GRM7: variants seen among roughly 807,000 people sequenced by gnomAD.
GRM7 encodes the protein metabotropic glutamate receptor 7.
In GRM7, 35 loss-of-function variants were observed where a neutral mutation model predicts 84.5. The ratio of observed to expected loss-of-function variants is 0.41; its 90% CI spans 0.32 to 0.55. The LOEUF is 0.55. Among genes scored for constraint, GRM7 ranks in the 20% least tolerant of loss-of-function variants. The pLI, the probability that GRM7 is intolerant of heterozygous loss-of-function variation, is 0.19. For missense variants in GRM7, 1,003 were observed against 1,194.6 expected (o/e 0.84, Z 2.36); for synonymous variants, 487 against 455.1 (o/e 1.07, Z -0.89).
chr3:7,120,166 G>C (rs781736706), intron 1 of GRM7, among the ~76,000 whole-genome samples: 6 of 152,008 alleles, frequency 3.9e-5, no homozygotes, highest in Non-Finnish European at 7.4e-5. Flanking sequence ...ATTACAAAAA[G>C]CTGGTTTACA....
chr3:7,561,378 T>C (rs779307755), intron 7 of GRM7: 4 of 339,388 alleles, frequency 1.2e-5, no homozygotes, highest in South Asian at 2.4e-5. Flanking sequence ...GGAAAGAAAA[T>C]AGGTGTTTCT....
At chr3:7,676,423 ATTTTT>A (rs1700123785) in intron 8 of GRM7, among the ~76,000 whole-genome samples, 1 of 152,090 alleles carries the variant, frequency 6.6e-6, no homozygotes, top group Admixed American at 6.5e-5. Flanking sequence ...AACAGATTAT[ATTTTT>A]ATCATGCTTA....
chr3:7,220,643 T>A (rs1170837082), intron 2 of GRM7, among the ~76,000 whole-genome samples: 1 of 152,190 alleles, frequency 6.6e-6, no homozygotes, highest in East Asian at 1.9e-4. Context: ...TGAATTTAGT[T>A]AATGATACGT....
At chr3:7,610,919 TAAC>T (rs1469640709) in intron 8 of GRM7, among the ~76,000 whole-genome samples, 6 of 152,138 alleles carry the variant, frequency 3.9e-5, no homozygotes, top group Non-Finnish European at 7.4e-5. Context: ...CAAGAACAAA[TAAC>T]AACAAAACGA....
At chr3:7,708,734 G>A (rs1176380328) in intron 9 of GRM7, among the ~76,000 whole-genome samples, 4 of 152,030 alleles carry the variant, frequency 2.6e-5, no homozygotes, top group Non-Finnish European at 4.4e-5. Context: ...AACATCCTAC[G>A]GTTGATCTTC....
Position 7,349,668 on chromosome 3 carries a change from C to T in GRM7, c.1033+43016C>T, listed in dbSNP as rs115491918. Among the ~76,000 whole-genome samples, 1,447 of 152,192 alleles carry T rather than the reference C, an allele frequency of 9.5e-3. 12 individuals carry two copies. The highest frequency in any genetic ancestry group is 0.027 in the Admixed American group (415 of 15,278). On this transcript the variant is annotated intron_variant, in intron 4 of 9. Transcript: ENST00000357716. ...CCGGGCTGGCCAAATCATTCTGGAACGAGGTGTATTATTTATTACATGATA... is the reference window on the plus strand; with the variant it reads ...CCGGGCTGGCCAAATCATTCTGGAATGAGGTGTATTATTTATTACATGATA...
chr3:7,091,759 G>C (rs1698672670), intron 1 of GRM7, among the ~76,000 whole-genome samples: 1 of 92,736 alleles, frequency 1.1e-5, no homozygotes, highest in Non-Finnish European at 2.1e-5. Flanking sequence ...TTGACAGTAT[G>C]GTGCGGACTG....
intron 9 of GRM7, among the ~76,000 whole-genome samples, chr3:7,709,954 C>T (rs941700350): frequency 6.6e-6 from 1 of 152,074 alleles, no homozygotes; most frequent in African/African-American, 2.4e-5. Flanking sequence ...CCCAAGCTCC[C>T]TTTTTTCCTG....
intron 7 of GRM7, among the ~76,000 whole-genome samples, chr3:7,475,107 AG>A (rs1156933119): frequency 6.6e-6 from 1 of 152,204 alleles, no homozygotes; most frequent in Non-Finnish European, 1.5e-5. Flanking sequence ...GATGACAATG[AG>A]AAAGAAGTAA....
At chr3:7,469,244 C>T (rs1698593268) in intron 7 of GRM7, among the ~76,000 whole-genome samples, 1 of 152,152 alleles carries the variant, frequency 6.6e-6, no homozygotes, top group African/African-American at 2.4e-5. Context: ...CTACATGATT[C>T]AGGGATTCAT....
intron 9 of GRM7, among the ~76,000 whole-genome samples, chr3:7,717,665 T>A (rs891330920): frequency 7.8e-3 from 6 of 768 alleles, no homozygotes; most frequent in African/African-American, 0.11. Context: ...AACCTCTAGC[T>A]TAGCCAGGTG....
chr3:7,237,692 A>G (rs1286745746), intron 2 of GRM7, among the ~76,000 whole-genome samples: 1 of 152,088 alleles, frequency 6.6e-6, no homozygotes, highest in Non-Finnish European at 1.5e-5. Context: ...AGCAAGATTT[A>G]TTGTGAAGAG....
chr3:7,040,704 G>T (rs1696569917), intron 1 of GRM7, among the ~76,000 whole-genome samples: 1 of 152,118 alleles, frequency 6.6e-6, no homozygotes, highest in Non-Finnish European at 1.5e-5. Context: ...GGGACCAGCA[G>T]GATGGGCCTT....
At chr3:7,162,232 T>C (rs1694648608) in intron 2 of GRM7, among the ~76,000 whole-genome samples, 1 of 152,136 alleles carries the variant, frequency 6.6e-6, no homozygotes, top group Admixed American at 6.5e-5. Context: ...ATTTGAGATC[T>C]GTGACAAAAA....
chr3:7,556,749 C>T (rs894825400), intron 7 of GRM7, among the ~76,000 whole-genome samples: 2 of 152,078 alleles, frequency 1.3e-5, no homozygotes, highest in African/African-American at 4.8e-5. Context: ...AATGAGACTC[C>T]ATTTTAAGGG....
chr3:7,345,697 G>A (rs1692859330), intron 4 of GRM7, among the ~76,000 whole-genome samples: 1 of 152,078 alleles, frequency 6.6e-6, no homozygotes. Flanking sequence ...ATTATAATGT[G>A]CTTGGCCAGT....
chr3:6,927,521 AG>A (rs1559333488), intron 1 of GRM7, among the ~76,000 whole-genome samples: 2 of 138,012 alleles, frequency 1.4e-5, no homozygotes, highest in Non-Finnish European at 1.7e-5. Flanking sequence ...AAGAAAGAAG[AG>A]AAAAGAAAGA....
At chr3:7,099,991 T>G (rs936799304) in intron 1 of GRM7, among the ~76,000 whole-genome samples, 2 of 148,136 alleles carry the variant, frequency 1.4e-5, no homozygotes, top group African/African-American at 2.5e-5. Flanking sequence ...CATATGTACA[T>G]ATATAATTGC....
At chr3:6,880,755 G>A (rs919807517) in intron 1 of GRM7, among the ~76,000 whole-genome samples, 3 of 151,900 alleles carry the variant, frequency 2.0e-5, no homozygotes, top group South Asian at 4.2e-4. Flanking sequence ...ATTCCTTCTC[G>A]TCTCGTATTT....
Sources: gnomAD v4.1 joint callset for allele counts (sites outside exome capture counted in the v4.1 genomes callset) on GRCh38, gnomAD v4.1.1 for gene constraint, MANE v1.5 for transcripts, NCBI Gene and HGNC (gene_info 2026-07-23, HGNC 2026-07-21) for gene names.